MAN1A1: variants seen among roughly 807,000 people sequenced by gnomAD.
MAN1A1 encodes mannosyl-oligosaccharide 1,2-alpha-mannosidase IA.
MAN1A1 carries 29 observed loss-of-function variants against 70.8 expected under a neutral mutation model. The ratio of observed to expected loss-of-function variants is 0.41; its 90% CI spans 0.31 to 0.56. MAN1A1 has a LOEUF of 0.56. MAN1A1 is among the 20% of genes least tolerant of loss of function. The probability of loss-of-function intolerance (pLI) is 0.29; values close to 1 mark genes in which losing one functional copy is unlikely to be tolerated. For synonymous variants in MAN1A1, 349 were observed against 330.1 expected (o/e 1.06, Z -0.62); for missense variants, 747 against 841.3 (o/e 0.89, Z 1.39).
rs542447326 is a variant in MAN1A1 at position 119,336,018 on chromosome 6, C to T, written c.603+12445G>A. On this transcript the variant is annotated intron_variant, in intron 2 of 12. Transcript: ENST00000368468. The stretch of plus-strand genomic sequence containing the variant: ...TAGCAACATGCTAAAAATGCAAATT[C>T]TGGGGCCCACCCAGGCCTACTGAAT... Among the ~76,000 whole-genome samples, 6 of 152,284 alleles carry T rather than the reference C, an allele frequency of 3.9e-5. No individual in the cohort carries two copies. The South Asian group carries it at 1.2e-3, about 32-fold the overall frequency.
At chr6:119,245,787 G>C (rs975890971) in intron 6 of MAN1A1, among the ~76,000 whole-genome samples, 1 of 152,112 alleles carries the variant, frequency 6.6e-6, no homozygotes, top group African/African-American at 2.4e-5. Context: ...CAAAACATCA[G>C]TGAATACATA....
intron 6 of MAN1A1, among the ~76,000 whole-genome samples, chr6:119,226,327 C>T (rs559617420): frequency 5.9e-5 from 9 of 152,272 alleles, no homozygotes; most frequent in African/African-American, 4.8e-5. Flanking sequence ...ACAAGGGTGA[C>T]GCACAGCAGC....
intron 2 of MAN1A1, among the ~76,000 whole-genome samples, chr6:119,334,654 A>T (rs1192790401): frequency 6.6e-6 from 1 of 152,240 alleles, no homozygotes; most frequent in Non-Finnish European, 1.5e-5. Context: ...TCACTCTTGA[A>T]TTCTTGTCTT....
At position 119,313,885 on chromosome 6, in the gene MAN1A1, T is replaced by A. The variant is rs185403587; in HGVS notation, c.604-6893A>T. Among the ~76,000 whole-genome samples the A allele has an allele frequency of 2.2e-4, 33 of 148,448 alleles. 1 individual carries two copies. The highest frequency in any genetic ancestry group is 8.2e-4 in the African/African-American group (33 of 40,122). Reference sequence around the variant, plus strand: ...CCACCAGGTCTAGGGCAACTAGAAGTGAATGGGAAACGTGACAAAACGAGA... The same window carrying A: ...CCACCAGGTCTAGGGCAACTAGAAGAGAATGGGAAACGTGACAAAACGAGA... On this transcript the variant is annotated intron_variant, in intron 2 of 12. Transcript: ENST00000368468.
rs1562240897 is a variant in MAN1A1 at position 119,319,390 on chromosome 6, A to ATC, written c.604-12399_604-12398insGA. On this transcript the variant is annotated intron_variant, in intron 2 of 12. Transcript: ENST00000368468. ...TAATAATAATAATAATAATAATAAT[A>ATC]ATCATCATCATCATCATTCATTCTA... 2.1e-3 allele frequency among the ~76,000 whole-genome samples: 301 copies of ATC among 143,712 alleles called. 3 individuals are homozygous for ATC. Among genetic ancestry groups the ATC allele is most frequent in the African/African-American group, 6.1e-3 (239 of 39,244 alleles). The allele number at this position is 143,712 out of a possible 152,430, so 94.3% of individuals were successfully genotyped here.
intron 4 of MAN1A1, among the ~76,000 whole-genome samples, chr6:119,297,230 C>T (rs1772240214): frequency 6.6e-6 from 1 of 152,156 alleles, no homozygotes; most frequent in South Asian, 2.1e-4. Context: ...AACAGGTAGA[C>T]CAAGTGACTT....
chr6:119,230,869 C>A (rs989900407), intron 6 of MAN1A1, among the ~76,000 whole-genome samples: 1 of 152,168 alleles, frequency 6.6e-6, no homozygotes, highest in Non-Finnish European at 1.5e-5. Context: ...TTTGTGGAGT[C>A]CCTCAACTCC....
chr6:119,213,983 T>A (rs969337614), intron 6 of MAN1A1, among the ~76,000 whole-genome samples: 2 of 152,140 alleles, frequency 1.3e-5, no homozygotes, highest in East Asian at 1.9e-4. Context: ...TTTTTTTTTT[T>A]AGATGGATTC....
intron 6 of MAN1A1, 129 bp from the exon 7 acceptor site, chr6:119,205,011 TA>T (rs1435739372): frequency 1.1e-6 from 1 of 884,736 alleles, no homozygotes; most frequent in African/African-American, 1.7e-5. Context: ...CTAGATATTA[TA>T]AAACCAAGCA....
Position 119,265,765 on chromosome 6 carries a change from C to T in MAN1A1, c.898-17411G>A, listed in dbSNP as rs575399733. 9.9e-5 allele frequency among the ~76,000 whole-genome samples: 15 copies of T among 151,952 alleles called. No individual in the cohort carries two copies. The South Asian group carries it at 2.9e-3, about 29-fold the overall frequency. ...CTTACCACTGCTTTTCAATATTGTA[C>T]TAGATGTCCTATAAGAAAAAATAAA... On this transcript the variant is annotated intron_variant, in intron 5 of 12. Coordinates refer to ENST00000368468, the MANE Select transcript of MAN1A1 (RefSeq NM_005907.4).
intron 4 of MAN1A1, 124 bp from the exon 5 acceptor site, chr6:119,290,887 C>A: frequency 1.6e-6 from 1 of 620,014 alleles, no homozygotes; most frequent in Non-Finnish European, 2.8e-6. Context: ...AGTTTATATA[C>A]AGGGGGAAAT....
At position 119,178,644 on chromosome 6, in the gene MAN1A1, C is replaced by T. The variant is rs1472633273; in HGVS notation, c.*1175G>A. 6.6e-6 allele frequency: 1 copy of T among 152,002 alleles called. No homozygotes were observed. The highest frequency in any genetic ancestry group is 1.5e-5 in the Non-Finnish European group (1 of 67,932). 9.4% of individuals were successfully genotyped at this position (152,002 alleles called of 1,614,324 possible). On this transcript the variant is annotated 3_prime_UTR_variant, in exon 13 of 13. Coordinates refer to ENST00000368468, the MANE Select transcript of MAN1A1 (RefSeq NM_005907.4). ...GAGTGGCCATTTCTTTATATTTCTT[C>T]TAAGTTGTGATCTCTGTGTTGACTA...
chr6:119,332,520 GTTTAAGAGCCAAC>G (rs1773346662), intron 2 of MAN1A1, among the ~76,000 whole-genome samples: 1 of 152,112 alleles, frequency 6.6e-6, no homozygotes, highest in African/African-American at 2.4e-5. Context: ...AATAGCTGAG[GTTTAAGAGCCAAC>G]TGGCCGGGCA....
chr6:119,207,254 C>T (rs1461661322), intron 6 of MAN1A1, among the ~76,000 whole-genome samples: 2 of 152,030 alleles, frequency 1.3e-5, no homozygotes, highest in African/African-American at 2.4e-5. Context: ...ACCCCCCCAA[C>T]CCCCAACCAC....
chr6:119,191,623 T>G (rs1431160955), intron 9 of MAN1A1, among the ~76,000 whole-genome samples: 2 of 152,224 alleles, frequency 1.3e-5, no homozygotes, highest in East Asian at 3.8e-4. Context: ...GCCTTCAGAA[T>G]CGTAAGTGTC....
chr6:119,244,779 G>A (rs1036517849), intron 6 of MAN1A1, among the ~76,000 whole-genome samples: 3 of 152,064 alleles, frequency 2.0e-5, no homozygotes, highest in Non-Finnish European at 4.4e-5. Context: ...TCAATTACAT[G>A]TGTGAGTGTG....
intron 2 of MAN1A1, 143 bp downstream of exon 2, chr6:119,348,320 T>C: frequency 1.3e-6 from 1 of 794,018 alleles, no homozygotes; most frequent in South Asian, 1.9e-5. Context: ...AAGAAAGAGC[T>C]TTTGACACAG....
intron 6 of MAN1A1, among the ~76,000 whole-genome samples, chr6:119,238,579 C>T (rs1774918867): frequency 6.6e-6 from 1 of 152,122 alleles, no homozygotes. Context: ...TAATTTGTCA[C>T]AATTAAGTCA....
intron 6 of MAN1A1, among the ~76,000 whole-genome samples, chr6:119,225,786 T>TA (rs1774498543): frequency 6.6e-6 from 1 of 152,204 alleles, no homozygotes; most frequent in Non-Finnish European, 1.5e-5. Flanking sequence ...TCTTTATGTA[T>TA]TTTTTAAACA....
Sources: allele counts gnomAD v4.1 joint callset (sites outside exome capture counted in the v4.1 genomes callset), GRCh38; gene constraint gnomAD v4.1.1; transcripts MANE v1.5; gene names NCBI Gene and HGNC (gene_info 2026-07-23, HGNC 2026-07-21).